CCT6A: variants seen among roughly 807,000 people sequenced by gnomAD.
The protein encoded by CCT6A is chaperonin containing TCP1 subunit 6A.
Under a neutral mutation model 58.6 loss-of-function variants are expected in CCT6A, and 6 were observed. The observed-to-expected ratio is 0.10, with a 90% CI of 0.06 to 0.20. The LOEUF (loss-of-function observed/expected upper bound fraction) is 0.20. Ranked by LOEUF, CCT6A falls within the 10% of genes least tolerant of loss-of-function variation. CCT6A has a pLI of 1.00. For synonymous variants in CCT6A, 245 were observed against 227.8 expected (o/e 1.08, Z -0.68); for missense variants, 516 against 648.8 (o/e 0.80, Z 2.22).
intron 5 of CCT6A, 75 bp downstream of exon 5, chr7:56,056,489 G>T: frequency 2.5e-6 from 2 of 794,626 alleles, no homozygotes; most frequent in Non-Finnish European, 4.4e-6. Flanking sequence ...TTGGGAGGCT[G>T]TGGTGGGCAA....
Position 56,054,510 on chromosome 7 carries a change from A to G in CCT6A, c.336+7A>G, listed in dbSNP as rs1584547163. 5 of 1,605,308 alleles carry G rather than the reference A, an allele frequency of 3.1e-6. No homozygotes were observed. Among genetic ancestry groups the G allele is most frequent in the Non-Finnish European group, 3.4e-6 (4 of 1,175,282 alleles). ...GGATCTCTACATTTCTGAAGTATGC[A>G]CAACTCTTGTTTCTGTAATTTTTTT... is the stretch of plus-strand genomic sequence containing the variant. On this transcript the variant is annotated splice_region_variant and intron_variant, in intron 3 of 13. Transcript: ENST00000275603.
At chr7:56,059,124 GT>G in intron 8 of CCT6A, 1 of 176,718 alleles carries the variant, frequency 5.7e-6, no homozygotes, top group South Asian at 1.3e-4. Flanking sequence ...AGCCTCCCGA[GT>G]AGTTGGGATT....
chr7:56,052,387 A>G (rs773261285), intron 1 of CCT6A, 35 bp from the exon 2 acceptor site: 1 of 1,594,878 alleles, frequency 6.3e-7, no homozygotes, highest in South Asian at 1.1e-5. Context: ...TCGTTGAAAA[A>G]GTCATAGTCT....
chr7:56,060,060 C>T, intron 9 of CCT6A: 2 of 552,112 alleles, frequency 3.6e-6, no homozygotes, highest in Non-Finnish European at 6.4e-6. Flanking sequence ...TGTTTATATA[C>T]ATTTTGAAGG....
At position 56,060,415 on chromosome 7, in the gene CCT6A, T is replaced by C. The variant is rs370756693; in HGVS notation, c.1212T>C (p.Asp404=). The part of the protein sequence containing the change: ...GLRAVKNAID[D]GCVVPGAGAV... ...GGGCTGTCAAAAATGCTATTGATGA[T>C]GGTAAGATCCTCACTGTATTTCAAT... Residue 404 remains aspartate (D), a splice_region_variant and synonymous_variant, in exon 10 of 14, where the codon GAT becomes GAC. Transcript: ENST00000275603. 55 of 1,613,830 alleles carry C rather than the reference T, an allele frequency of 3.4e-5. No individual in the cohort carries two copies. The highest frequency in any genetic ancestry group is 4.3e-5 in the Non-Finnish European group (51 of 1,179,818).
intron 6 of CCT6A, 96 bp downstream of exon 6, chr7:56,058,199 AATG>A: frequency 2.2e-6 from 2 of 905,826 alleles, no homozygotes. Flanking sequence ...TAAGGACAAT[AATG>A]CTCAAATTGG....
intron 5 of CCT6A, among the ~76,000 whole-genome samples, chr7:56,057,358 T>TGG (rs1481004177): frequency 1.5e-4 from 19 of 130,352 alleles, no homozygotes; most frequent in African/African-American, 3.8e-4. Flanking sequence ...GTTTTCCCTT[T>TGG]GGGGTGTGTG....
At chr7:56,056,455 G>A in intron 5 of CCT6A, 41 bp downstream of exon 5, 1 of 970,492 alleles carries the variant, frequency 1.0e-6, no homozygotes, top group East Asian at 2.4e-5. Context: ...GGGCATGGAG[G>A]CTCACACCTG....
At chr7:56,052,114 G>A (rs1262467669) in intron 1 of CCT6A, 129 bp downstream of exon 1, 6 of 802,536 alleles carry the variant, frequency 7.5e-6, no homozygotes, top group African/African-American at 1.8e-5. Flanking sequence ...GTCCTCCGGG[G>A]TCGGTCCTGT....
At chr7:56,062,302 A>G (rs1262544388) in intron 12 of CCT6A, among the ~76,000 whole-genome samples, 2 of 152,354 alleles carry the variant, frequency 1.3e-5, no homozygotes, top group Non-Finnish European at 2.9e-5. Context: ...CAAATTAAGT[A>G]CAAAGTAGGA....
chr7:56,053,077 G>A (rs1794213047), intron 2 of CCT6A, among the ~76,000 whole-genome samples: 3 of 152,220 alleles, frequency 2.0e-5, no homozygotes, highest in Middle Eastern at 3.4e-3. Context: ...TACCAGGCCC[G>A]TGCCCAGCTG....
At chr7:56,052,583 A>T in intron 2 of CCT6A, 98 bp downstream of exon 2, 1 of 1,061,026 alleles carries the variant, frequency 9.4e-7, no homozygotes, top group Non-Finnish European at 1.5e-6. Flanking sequence ...AGGTAGGAGA[A>T]CATTCAGAAG....
intron 1 of CCT6A, 137 bp downstream of exon 1, chr7:56,052,122 T>G (rs1794114851): frequency 2.6e-6 from 2 of 768,462 alleles, no homozygotes; most frequent in Non-Finnish European, 3.8e-6. Context: ...GGGTCGGTCC[T>G]GTGTCCCTCC....
rs765242053 is a variant in CCT6A at position 56,060,429 on chromosome 7, C to G, written c.1213+13C>G. 11 of 1,612,308 alleles carry G rather than the reference C, an allele frequency of 6.8e-6. No individual in the cohort carries two copies. Among genetic ancestry groups the G allele is most frequent in the Non-Finnish European group, 8.5e-6 (10 of 1,178,468 alleles). ...GCTATTGATGATGGTAAGATCCTCA[C>G]TGTATTTCAATTCTTTTATATTGTT... On this transcript the variant is annotated intron_variant, in intron 10 of 13. Transcript: ENST00000275603.
At position 56,063,296 on chromosome 7, in the gene CCT6A, C is replaced by G; in HGVS notation, c.*211C>G. On this transcript the variant is annotated 3_prime_UTR_variant, in exon 14 of 14. Coordinates refer to ENST00000275603, the MANE Select transcript of CCT6A (RefSeq NM_001762.4). ...TGAAGTGTATACACATAAAGCAGGT[C>G]TTTTATCCAGTGAACAGGATGTTTT... 1.8e-6 allele frequency: 1 copy of G among 562,372 alleles called. No individual in the cohort carries two copies. The highest frequency in any genetic ancestry group is 3.0e-5 in the East Asian group (1 of 33,220). The allele number at this position is 562,372 out of a possible 1,614,324, so 34.8% of individuals were successfully genotyped here.
chr7:56,052,510 A>G (rs1562846363), intron 2 of CCT6A, 25 bp downstream of exon 2: 2 of 1,587,692 alleles, frequency 1.3e-6, no homozygotes, highest in African/African-American at 1.3e-5. Flanking sequence ...GGGCTAGGTC[A>G]GAAAGGTCTT....
rs1476946559 is a variant in CCT6A, at chr7:56,055,808, A to C, written c.510+11A>C. ...GATGTCTTAACAGAGGTATGTATTA[A>C]ATTTTGTCTATGTCTGGTATAGTAT... On this transcript the variant is annotated intron_variant, in intron 4 of 13. Transcript: ENST00000275603. 21 of 1,603,992 alleles carry C rather than the reference A, an allele frequency of 1.3e-5. No homozygotes were observed. Among genetic ancestry groups the C allele is most frequent in the Non-Finnish European group, 1.8e-5 (21 of 1,171,766 alleles).
In CCT6A at chr7:56,056,353, C is replaced by A; in HGVS notation, c.553C>A (p.Pro185Thr). The change falls in exon 5 of 14, where the codon CCT (proline) becomes ACT (threonine). Residue 185 changes from proline to threonine, a missense_variant. This residue lies in a region of CCT6A where 85 missense variants were observed against 74.9 expected (regional missense o/e 1.13). Coordinates refer to ENST00000275603, the MANE Select transcript of CCT6A (RefSeq NM_001762.4). ...SILAIKKQDE[P>T]IDLFMIEIME... Reference sequence around the variant, plus strand: ...TTTGGCCATTAAAAAGCAAGATGAACCTATTGATCTCTTCATGATTGAGAT... The same window carrying A: ...TTTGGCCATTAAAAAGCAAGATGAAACTATTGATCTCTTCATGATTGAGAT... 6.2e-7 allele frequency: 1 copy of A among 1,601,842 alleles called. No individual in the cohort carries two copies. The highest frequency in any genetic ancestry group is 8.6e-7 in the Non-Finnish European group (1 of 1,168,816).
intron 8 of CCT6A, 64 bp downstream of exon 8, chr7:56,058,766 T>C (rs548986633): frequency 9.5e-7 from 1 of 1,052,896 alleles, no homozygotes; most frequent in Admixed American, 2.1e-5. Context: ...TTTTTCCTTA[T>C]ACTTTATTTT....
Sources: gnomAD v4.1 joint callset for allele counts (sites outside exome capture counted in the v4.1 genomes callset) on GRCh38, gnomAD v4.1.1 for gene constraint, gnomAD v4.1.1 regional missense constraint, MANE v1.5 for transcripts, NCBI Gene and HGNC (gene_info 2026-07-23, HGNC 2026-07-21) for gene names.